The following PCCB variants were observed in gnomAD, a reference collection of about 807,000 sequenced individuals.
PCCB encodes propionyl-CoA carboxylase subunit beta.
A neutral mutation model predicts 60.7 loss-of-function variants in PCCB; 43 were observed. The ratio of observed to expected loss-of-function variants is 0.71; its 90% CI spans 0.55 to 0.91. The LOEUF is 0.91. Ranked by LOEUF, PCCB falls within the 40% of genes least tolerant of loss-of-function variation. PCCB has a pLI of 0.00. For missense variants in PCCB, 766 were observed against 702.8 expected (o/e 1.09, Z -1.02); for synonymous variants, 276 against 255.9 (o/e 1.08, Z -0.75).
intron 1 of PCCB, 85 bp from the exon 2 acceptor site, chr3:136,255,771 C>T (rs978417388): frequency 4.0e-6 from 5 of 1,251,092 alleles, no homozygotes; most frequent in Middle Eastern, 4.3e-4. Flanking sequence ...CAAATCTGCC[C>T]TTCAAGCCCT....
At chr3:136,267,011 T>C (rs1942002151) in intron 5 of PCCB, among the ~76,000 whole-genome samples, 2 of 152,120 alleles carry the variant, frequency 1.3e-5, no homozygotes, top group Non-Finnish European at 2.9e-5. Context: ...GTCACCCAAG[T>C]AGCTGGGATT....
At position 136,327,970 on chromosome 3, in the gene PCCB, C is replaced by T. The variant is rs78209731; in HGVS notation, c.1398+238C>T. Among the ~76,000 whole-genome samples the T allele has an allele frequency of 0.016, 2,498 of 152,024 alleles. 72 individuals carry two copies. Among genetic ancestry groups the T allele is most frequent in the African/African-American group, 0.057 (2,381 of 41,444 alleles). The stretch of plus-strand genomic sequence containing the variant: ...TGGTGTCTTCATGCCAAGGTGGGTG[C>T]GGCAGGTGAAAGGAAAGTGAGAGGG... On this transcript the variant is annotated intron_variant, in intron 13 of 14. Coordinates refer to ENST00000251654, the MANE Select transcript of PCCB (RefSeq NM_000532.5).
At chr3:136,286,659 T>G (rs899056962) in intron 6 of PCCB, among the ~76,000 whole-genome samples, 1 of 152,156 alleles carries the variant, frequency 6.6e-6, no homozygotes, top group African/African-American at 2.4e-5. Context: ...GCACGACTAC[T>G]TACTTCTTAC....
chr3:136,259,205 G>A (rs766452884), intron 3 of PCCB: 37 of 1,415,052 alleles, frequency 2.6e-5, no homozygotes, highest in Middle Eastern at 1.8e-4. Context: ...AGTGGCTCCC[G>A]CTTGTCATCT....
intron 1 of PCCB, 112 bp from the exon 2 acceptor site, chr3:136,255,744 G>C: frequency 1.1e-6 from 1 of 885,248 alleles, no homozygotes; most frequent in South Asian, 1.3e-5. Flanking sequence ...GAAAGTACTT[G>C]CATTGAGATC....
In PCCB at chr3:136,318,771, T is replaced by C. The variant is rs575826366; in HGVS notation, c.1090+1707T>C. Among the ~76,000 whole-genome samples the C allele has an allele frequency of 7.5e-5, 11 of 146,640 alleles. 1 individual carries two copies. The South Asian group carries it at 2.1e-3, about 28-fold the overall frequency. ...CATTTATTTTTATGGCTGAATAATA[T>C]TATGTTGCATGTATATACCACATTT... On this transcript the variant is annotated intron_variant, in intron 10 of 14. Transcript: ENST00000251654.
At chr3:136,250,628 C>G in intron 1 of PCCB, 70 bp downstream of exon 1, 2 of 1,476,114 alleles carry the variant, frequency 1.4e-6, no homozygotes, top group Non-Finnish European at 1.8e-6. Context: ...GCCCGGCTTG[C>G]GGCGTCCGAG....
At chr3:136,301,736 TC>T (rs1165968956) in intron 9 of PCCB, among the ~76,000 whole-genome samples, 2 of 152,146 alleles carry the variant, frequency 1.3e-5, no homozygotes, top group African/African-American at 4.8e-5. Flanking sequence ...AGTCAGATTC[TC>T]CCTCTTCCCT....
chr3:136,264,438 G>T (rs1441461570), intron 5 of PCCB, among the ~76,000 whole-genome samples: 2 of 97,490 alleles, frequency 2.1e-5, no homozygotes, highest in East Asian at 4.1e-4. Context: ...ATATGTGTGT[G>T]TGTATATATG....
At chr3:136,327,410 A>G (rs562239272) in intron 12 of PCCB, among the ~76,000 whole-genome samples, 155 bp downstream of exon 12, 2 of 152,350 alleles carry the variant, frequency 1.3e-5, no homozygotes, top group Admixed American at 1.3e-4. Context: ...CCCCGCAGAA[A>G]TGTCTGTGCT....
intron 3 of PCCB, among the ~76,000 whole-genome samples, chr3:136,258,833 TTTC>T (rs1941746905): frequency 6.6e-6 from 1 of 152,008 alleles, no homozygotes; most frequent in African/African-American, 2.4e-5. Context: ...TAGTCTCTGT[TTTC>T]AGCCTCCTTC....
chr3:136,288,701 A>G (rs1053224596), intron 6 of PCCB, among the ~76,000 whole-genome samples: 10 of 152,022 alleles, frequency 6.6e-5, no homozygotes, highest in Non-Finnish European at 1.2e-4. Context: ...GTGCAGTGGT[A>G]TGATCATAGC....
In PCCB at chr3:136,250,488, G is replaced by A. The variant is rs1488190326; in HGVS notation, c.113G>A (p.Arg38His). Residue 38 changes from arginine (R) to histidine (H), a missense_variant, in exon 1 of 15, where the codon CGC becomes CAC. Physicochemically the swap from Arg to His is conservative, Grantham distance 29. Coordinates refer to ENST00000251654, the MANE Select transcript of PCCB (RefSeq NM_000532.5). ...AGCCAGGCCACCTCTGTTAACGAAC[G>A]CATCGAAAACAAGCGCCGGACCGCG... ...LCSQATSVNE[R>H]IENKRRTALL... 6 of 1,612,764 alleles carry A rather than the reference G, an allele frequency of 3.7e-6. No homozygotes were observed. In the South Asian group the frequency reaches 5.5e-5, roughly 15 times the overall value.
At chr3:136,311,692 G>A (rs1239216375) in intron 9 of PCCB, among the ~76,000 whole-genome samples, 3 of 152,198 alleles carry the variant, frequency 2.0e-5, no homozygotes, top group South Asian at 4.2e-4. Flanking sequence ...AGGCATGGTG[G>A]CTCACACCTG....
chr3:136,309,298 C>G (rs894129816), intron 9 of PCCB, among the ~76,000 whole-genome samples: 1 of 150,656 alleles, frequency 6.6e-6, no homozygotes, highest in Non-Finnish European at 1.5e-5. Context: ...AAAACAGATT[C>G]CCAACTGGAA....
At chr3:136,326,983 T>G (rs1377335650) in intron 11 of PCCB, 73 bp downstream of exon 11, 1 of 1,172,886 alleles carries the variant, frequency 8.5e-7, no homozygotes, top group Non-Finnish European at 1.3e-6. Flanking sequence ...TTGGAGATCT[T>G]CTTGCAGAAC....
chr3:136,316,512 C>T (rs1178240001), intron 9 of PCCB, among the ~76,000 whole-genome samples: 6 of 152,110 alleles, frequency 3.9e-5, no homozygotes, highest in South Asian at 2.1e-4. Flanking sequence ...GATGGGGTTT[C>T]GCTACATTGG....
chr3:136,265,149 T>C (rs553337221), intron 5 of PCCB, among the ~76,000 whole-genome samples: 4 of 152,228 alleles, frequency 2.6e-5, no homozygotes, highest in African/African-American at 9.6e-5. Context: ...ACTGAGATCA[T>C]GCCACTGCAC....
chr3:136,260,561 T>C, intron 4 of PCCB, 26 bp downstream of exon 4: 1 of 1,568,038 alleles, frequency 6.4e-7, no homozygotes, highest in Middle Eastern at 1.7e-4. Flanking sequence ...TCAAATTCAA[T>C]CCATTGCTTT....
Sources: allele counts gnomAD v4.1 joint callset (sites outside exome capture counted in the v4.1 genomes callset), GRCh38; gene constraint gnomAD v4.1.1; transcripts MANE v1.5; gene names NCBI Gene and HGNC (gene_info 2026-07-23, HGNC 2026-07-21).